METTL8: variants seen among roughly 807,000 people sequenced by gnomAD.
METTL8 encodes methyltransferase 8, tRNA N3-cytidine, also known as tRNA N(3)-cytidine methyltransferase METTL8, mitochondrial.
Under a neutral mutation model 48.7 loss-of-function variants are expected in METTL8, and 32 were observed. That is an observed-to-expected ratio of 0.66 (90% confidence interval 0.50 to 0.88). METTL8 has a LOEUF of 0.88. Ranked by LOEUF, METTL8 falls within the 40% of genes least tolerant of loss-of-function variation. METTL8 has a pLI of 0.00. For missense variants in METTL8, 464 were observed against 474.4 expected, an observed-to-expected ratio of 0.98 and a Z score of 0.20; for synonymous variants, 136 against 157.1, an observed-to-expected ratio of 0.87 and a Z score of 1.01.
intron 4 of METTL8, among the ~76,000 whole-genome samples, 169 bp downstream of exon 4, chr2:171,339,015 T>C (rs556654620): frequency 2.6e-5 from 4 of 152,118 alleles, no homozygotes; most frequent in Non-Finnish European, 5.9e-5. Flanking sequence ...ACTTGACTGA[T>C]TAAAGACATG....
chr2:171,375,094 T>A, intron 2 of METTL8: 2 of 1,199,968 alleles, frequency 1.7e-6, no homozygotes, highest in Non-Finnish European at 2.4e-6. Flanking sequence ...GGGAAGCACA[T>A]AGGCATTGAA....
chr2:171,434,636 GCTTCT>G, upstream of METTL8: 1 of 1,533,616 alleles, frequency 6.5e-7, no homozygotes, highest in South Asian at 1.2e-5. Context: ...GCGCTGGGCT[GCTTCT>G]CGCGCGACGC....
chr2:171,325,615 G>A (rs1684867061), intron 9 of METTL8, among the ~76,000 whole-genome samples: 1 of 142,442 alleles, frequency 7.0e-6, no homozygotes, highest in Non-Finnish European at 1.5e-5. Context: ...CTGGGTATGA[G>A]GGTAAAACAA....
Position 171,323,620 on chromosome 2 carries a change from A to C in METTL8, c.*552T>G, listed in dbSNP as rs892598815. The C allele has an allele frequency of 1.3e-5, 2 of 152,186 alleles. No individual in the cohort carries two copies. The highest frequency in any genetic ancestry group is 3.8e-4 in the East Asian group (2 of 5,198). The allele number at this position is 152,186 out of a possible 1,614,324, so 9.4% of individuals were successfully genotyped here. ...ATTTTAGGAAAGGAAAGAGGAACTAAAATTCTATTTCAGATATGAGCCTCT... is the reference window on the plus strand; with the variant it reads ...ATTTTAGGAAAGGAAAGAGGAACTACAATTCTATTTCAGATATGAGCCTCT... On this transcript the variant is annotated 3_prime_UTR_variant, in exon 10 of 10. Transcript: ENST00000375258.
chr2:171,430,803 A>G (rs577724895), intron 1 of METTL8, among the ~76,000 whole-genome samples: 1 of 152,320 alleles, frequency 6.6e-6, no homozygotes, highest in African/African-American at 2.4e-5. Flanking sequence ...GACCAGATCG[A>G]GAACCTCTCT....
chr2:171,344,940 C>G (rs1368316780), intron 3 of METTL8, among the ~76,000 whole-genome samples: 1 of 152,174 alleles, frequency 6.6e-6, no homozygotes, highest in Admixed American at 6.5e-5. Context: ...GTAAAAAATT[C>G]AGTATCAAGC....
At chr2:171,345,674 ACT>A (rs1439572400) in intron 3 of METTL8, among the ~76,000 whole-genome samples, 1 of 152,164 alleles carries the variant, frequency 6.6e-6, no homozygotes, top group East Asian at 1.9e-4. Flanking sequence ...GTATAGTGAG[ACT>A]CATTCTTTTG....
intron 1 of METTL8, among the ~76,000 whole-genome samples, chr2:171,394,395 A>T (rs186606291): frequency 6.8e-6 from 1 of 147,520 alleles, no homozygotes; most frequent in Non-Finnish European, 1.5e-5. Flanking sequence ...TAGAAGAGGG[A>T]AAAAAAAAAA....
chr2:171,375,512 G>A (rs1006838032), intron 2 of METTL8, among the ~76,000 whole-genome samples: 1 of 152,076 alleles, frequency 6.6e-6, no homozygotes, highest in African/African-American at 2.4e-5. Flanking sequence ...ATTCAAATAG[G>A]TGTGTAGTAG....
At chr2:171,336,487 G>A (rs1454065683) in intron 5 of METTL8, among the ~76,000 whole-genome samples, 3 of 133,608 alleles carry the variant, frequency 2.2e-5, no homozygotes, top group Admixed American at 8.0e-5. Flanking sequence ...CTGCAAGCTC[G>A]GCCTCCCGGG....
chr2:171,374,295 G>C (rs892323784), intron 2 of METTL8, among the ~76,000 whole-genome samples: 22 of 152,102 alleles, frequency 1.4e-4, no homozygotes, highest in African/African-American at 5.3e-4. Context: ...TTTGCACATT[G>C]ATTTTGTATC....
chr2:171,350,235 A>G (rs1434607736), intron 3 of METTL8, among the ~76,000 whole-genome samples: 2 of 152,184 alleles, frequency 1.3e-5, no homozygotes, highest in African/African-American at 4.8e-5. Context: ...TCCTCGCGAC[A>G]GTTTGCTCAG....
At chr2:171,350,135 C>T (rs1197785996) in intron 3 of METTL8, among the ~76,000 whole-genome samples, 1 of 152,126 alleles carries the variant, frequency 6.6e-6, no homozygotes, top group African/African-American at 2.4e-5. Flanking sequence ...ACAATAGGCC[C>T]CAGTGTGTGA....
chr2:171,416,071 T>C (rs1691286790), intron 1 of METTL8, among the ~76,000 whole-genome samples: 1 of 152,268 alleles, frequency 6.6e-6, no homozygotes, highest in South Asian at 2.1e-4. Context: ...TGGCAGGCAC[T>C]TGCTACACTG....
upstream of METTL8, chr2:171,434,519 G>A (rs566098911): frequency 2.7e-4 from 415 of 1,522,794 alleles, 1 homozygote; most frequent in African/African-American, 5.2e-3. Context: ...TGCCCAGCAC[G>A]GGAGTGTGGG....
At chr2:171,379,586 A>T (rs1687311790) in intron 2 of METTL8, among the ~76,000 whole-genome samples, 1 of 152,202 alleles carries the variant, frequency 6.6e-6, no homozygotes, top group South Asian at 2.1e-4. Flanking sequence ...CCACTGACCC[A>T]CGGAAATACA....
In METTL8 at chr2:171,317,241, A is replaced by G. The variant is rs1037262570; in HGVS notation, c.*6931T>C. 2.0e-5 allele frequency among the ~76,000 whole-genome samples: 3 copies of G among 152,224 alleles called. No individual in the cohort carries two copies. The highest frequency in any genetic ancestry group is 1.5e-5 in the Non-Finnish European group (1 of 68,030). On this transcript the variant is annotated 3_prime_UTR_variant, in exon 10 of 10. Transcript: ENST00000375258. ...TTTTGAAACAACCAACACTTGATAT[A>G]TAAAGGTTAACTGAGGAAAAAATTA... is the stretch of plus-strand genomic sequence containing the variant.
At chr2:171,401,734 C>T (rs1419584802) in intron 1 of METTL8, among the ~76,000 whole-genome samples, 3 of 152,134 alleles carry the variant, frequency 2.0e-5, no homozygotes, top group Non-Finnish European at 4.4e-5. Flanking sequence ...TTGGTTTTAA[C>T]TTATTTACCT....
intron 1 of METTL8, among the ~76,000 whole-genome samples, chr2:171,426,872 C>T (rs1303345068): frequency 6.6e-6 from 1 of 152,196 alleles, no homozygotes; most frequent in Non-Finnish European, 1.5e-5. Context: ...AGAAGAATGT[C>T]ACATCACTCT....
Sources: gnomAD v4.1 joint callset for allele counts (sites outside exome capture counted in the v4.1 genomes callset) on GRCh38, gnomAD v4.1.1 for gene constraint, MANE v1.5 for transcripts, NCBI Gene and HGNC (gene_info 2026-07-23, HGNC 2026-07-21) for gene names.